The following NEGR1 variants were observed in gnomAD, a reference collection of about 807,000 sequenced individuals.
NEGR1 encodes IgLON family member 4.
In NEGR1, 10 loss-of-function variants were observed where a neutral mutation model predicts 40.9. The ratio of observed to expected loss-of-function variants is 0.24; its 90% CI spans 0.15 to 0.42. The LOEUF is 0.42. Ranked by LOEUF, NEGR1 falls within the 10% of genes least tolerant of loss-of-function variation. NEGR1 has a pLI of 1.00. For synonymous variants in NEGR1, 185 were observed against 166.8 expected, an observed-to-expected ratio of 1.11 and a Z score of -0.84; for missense variants, 352 against 438.9, an observed-to-expected ratio of 0.80 and a Z score of 1.77.
intron 1 of NEGR1, among the ~76,000 whole-genome samples, chr1:71,947,951 A>G (rs951883334): frequency 6.6e-6 from 1 of 152,188 alleles, no homozygotes; most frequent in Non-Finnish European, 1.5e-5. Flanking sequence ...CTCCACTTCT[A>G]ATCTTCCCTT....
chr1:71,531,002 A>G (rs990516771), intron 6 of NEGR1, among the ~76,000 whole-genome samples: 2 of 151,344 alleles, frequency 1.3e-5, no homozygotes, highest in African/African-American at 2.4e-5. Flanking sequence ...CTCAATTTTC[A>G]TAATAACTCC....
chr1:71,787,068 A>C (rs144781207), intron 2 of NEGR1, among the ~76,000 whole-genome samples: 204 of 152,344 alleles, frequency 1.3e-3, no homozygotes, highest in African/African-American at 4.6e-3. Context: ...AGCTCATCTA[A>C]GCCCTGACTG....
chr1:71,453,865 C>G (rs1051036191), intron 6 of NEGR1, among the ~76,000 whole-genome samples: 3 of 152,114 alleles, frequency 2.0e-5, no homozygotes, highest in Admixed American at 1.3e-4. Flanking sequence ...GGAGAAAGCC[C>G]TACACTCAGT....
chr1:72,149,360 G>T (rs939533493), intron 1 of NEGR1, among the ~76,000 whole-genome samples: 1 of 152,066 alleles, frequency 6.6e-6, no homozygotes, highest in Non-Finnish European at 1.5e-5. Context: ...GTTTAGATTT[G>T]GGTGGGGACA....
chr1:72,051,666 A>C (rs911718629), intron 1 of NEGR1, among the ~76,000 whole-genome samples: 3 of 151,410 alleles, frequency 2.0e-5, no homozygotes, highest in Non-Finnish European at 4.4e-5. Flanking sequence ...CCACAGACGG[A>C]GCACCTGTGA....
chr1:71,633,733 A>G (rs1349652326), intron 4 of NEGR1, among the ~76,000 whole-genome samples: 1 of 152,148 alleles, frequency 6.6e-6, no homozygotes, highest in Non-Finnish European at 1.5e-5. Flanking sequence ...ATGGGCATTT[A>G]TAGATTGGCC....
chr1:72,056,466 T>C (rs1647111523), intron 1 of NEGR1, among the ~76,000 whole-genome samples: 1 of 151,352 alleles, frequency 6.6e-6, no homozygotes, highest in Non-Finnish European at 1.5e-5. Context: ...TTCTCAGAGT[T>C]AGTGCTGTTA....
At chr1:71,821,881 C>T (rs2101777604) in intron 2 of NEGR1, among the ~76,000 whole-genome samples, 1 of 152,048 alleles carries the variant, frequency 6.6e-6, no homozygotes, top group East Asian at 1.9e-4. Flanking sequence ...CAGACATAAG[C>T]AAGCAACATG....
intron 3 of NEGR1, among the ~76,000 whole-genome samples, chr1:71,717,918 C>T (rs1332644641): frequency 3.9e-5 from 6 of 152,124 alleles, no homozygotes; most frequent in African/African-American, 1.4e-4. Context: ...AGGAGAGAGA[C>T]CTGGAGCACA....
At chr1:71,615,024 G>T (rs992129388) in intron 4 of NEGR1, among the ~76,000 whole-genome samples, 5 of 152,150 alleles carry the variant, frequency 3.3e-5, no homozygotes, top group Non-Finnish European at 5.9e-5. Flanking sequence ...ATTTTGCAAG[G>T]TATAGAGTTA....
At chr1:71,989,997 T>C (rs1365335687) in intron 1 of NEGR1, among the ~76,000 whole-genome samples, 1 of 152,222 alleles carries the variant, frequency 6.6e-6, no homozygotes, top group African/African-American at 2.4e-5. Context: ...ACTTGGACCA[T>C]GTACAACAAG....
intron 2 of NEGR1, among the ~76,000 whole-genome samples, chr1:71,919,619 A>G (rs1435502192): frequency 2.0e-5 from 3 of 151,670 alleles, no homozygotes; most frequent in Non-Finnish European, 4.4e-5. Flanking sequence ...TTTTTTGGTT[A>G]GTGAATCCTT....
Position 71,688,314 on chromosome 1 carries a change from A to ATATATATG in NEGR1, c.667+9693_667+9694insCATATATA, listed in dbSNP as rs1653108876. Among the ~76,000 whole-genome samples, 6 of 106,536 alleles carry ATATATATG rather than the reference A, an allele frequency of 5.6e-5. 1 individual carries two copies. The South Asian group carries it at 1.9e-3, about 34-fold the overall frequency. 69.9% of individuals were successfully genotyped at this position (106,536 alleles called of 152,430 possible). On this transcript the variant is annotated intron_variant, in intron 4 of 6. Coordinates refer to ENST00000357731, the MANE Select transcript of NEGR1 (RefSeq NM_173808.3). Reference sequence around the variant, plus strand: ...ACTGGAGGAGTTTCCCTTTTCATATATATATATATATATAGATAGATAGAT... The same window carrying ATATATATG: ...ACTGGAGGAGTTTCCCTTTTCATATATATATATGTATATATATATATAGATAGATAGAT...
intron 1 of NEGR1, among the ~76,000 whole-genome samples, chr1:72,219,644 C>T (rs1371962487): frequency 1.3e-5 from 2 of 151,954 alleles, no homozygotes; most frequent in Non-Finnish European, 2.9e-5. Flanking sequence ...CTATTACCTC[C>T]AAACACCATA....
At chr1:72,107,656 T>C (rs1035850488) in intron 1 of NEGR1, among the ~76,000 whole-genome samples, 2 of 151,472 alleles carry the variant, frequency 1.3e-5, no homozygotes, top group Admixed American at 6.6e-5. Context: ...TTTAAATAAA[T>C]TATTTTATCA....
intron 4 of NEGR1, among the ~76,000 whole-genome samples, chr1:71,691,113 C>T (rs1366009126): frequency 6.6e-6 from 1 of 151,842 alleles, no homozygotes; most frequent in Non-Finnish European, 1.5e-5. Flanking sequence ...GGATATCAGA[C>T]TCATTAAGTA....
At chr1:72,040,869 AT>A (rs1269682285) in intron 1 of NEGR1, among the ~76,000 whole-genome samples, 5 of 151,954 alleles carry the variant, frequency 3.3e-5, no homozygotes, top group Non-Finnish European at 7.4e-5. Flanking sequence ...CAGGACATCA[AT>A]TTTATAATCT....
At chr1:71,724,079 C>G (rs556065611) in intron 3 of NEGR1, among the ~76,000 whole-genome samples, 1 of 152,214 alleles carries the variant, frequency 6.6e-6, no homozygotes, top group Non-Finnish European at 1.5e-5. Flanking sequence ...ATCTCTCTTT[C>G]CTCTCCCTAT....
intron 4 of NEGR1, among the ~76,000 whole-genome samples, chr1:71,636,941 G>T (rs1032468971): frequency 2.6e-5 from 4 of 152,006 alleles, no homozygotes; most frequent in Non-Finnish European, 5.9e-5. Context: ...TGGGGTAAAT[G>T]TGTGTAAAAA....
Sources: allele counts gnomAD v4.1 joint callset (sites outside exome capture counted in the v4.1 genomes callset), GRCh38; gene constraint gnomAD v4.1.1; transcripts MANE v1.5; gene names NCBI Gene and HGNC (gene_info 2026-07-23, HGNC 2026-07-21).